MAF1: variants seen among roughly 807,000 people sequenced by gnomAD.
MAF1 encodes MAF1 negative regulator of RNA polymerase III.
MAF1 carries 7 observed loss-of-function variants against 31.9 expected under a neutral mutation model. The observed-to-expected ratio is 0.22, with a 90% CI of 0.12 to 0.41. The LOEUF (loss-of-function observed/expected upper bound fraction) is 0.41, where lower values mean the gene tolerates loss of function less well. Among genes scored for constraint, MAF1 ranks in the 10% least tolerant of loss-of-function variants. MAF1 has a pLI of 1.00. For synonymous variants in MAF1, 157 were observed against 120.0 expected (o/e 1.31, Z -2.02); for missense variants, 221 against 323.1 (o/e 0.68, Z 2.42).
Position 144,106,919 on chromosome 8 carries a change from C to G in MAF1, c.705C>G (p.Ser235Arg), listed in dbSNP as rs755776322. Residue 235 changes from serine (S) to arginine (R), a missense_variant, in exon 7 of 8, where the codon AGC (serine) becomes AGG (arginine). Ser to Arg is a moderately radical substitution (Grantham distance 110, BLOSUM62 -1). Coordinates refer to ENST00000322428, the MANE Select transcript of MAF1 (RefSeq NM_032272.5). ...AGGAGGTGGAGGAAGAAAGCAGAAG[C>G]GGGGGCAGTGGGGCCGAGGAGACCA... Reference protein sequence around the residue: ...GEEEVEEESRSGGSGAEETST... With the variant: ...GEEEVEEESRRGGSGAEETST... The G allele has an allele frequency of 4.6e-6, 7 of 1,522,714 alleles. No individual in the cohort carries two copies. Among genetic ancestry groups the G allele is most frequent in the Non-Finnish European group, 6.2e-6 (7 of 1,138,118 alleles). 94.3% of individuals were successfully genotyped at this position (1,522,714 alleles called of 1,614,324 possible).
Position 144,107,435 on chromosome 8 carries a change from C to G in MAF1, c.*326C>G. On this transcript the variant is annotated 3_prime_UTR_variant, in exon 8 of 8. Transcript: ENST00000322428. ...TTTGTATTTCTACTGGGCCTGCACA[C>G]TCCAGCCCAAAGGGTCTGTGGCCGG... 1 of 582,668 alleles carries G rather than the reference C, an allele frequency of 1.7e-6. No individual in the cohort carries two copies. Among genetic ancestry groups the G allele is most frequent in the Non-Finnish European group, 3.1e-6 (1 of 326,302 alleles). The allele number at this position is 582,668 out of a possible 1,614,324, so 36.1% of individuals were successfully genotyped here.
rs536267537 is a variant in MAF1 at position 144,107,362 on chromosome 8, G to A, written c.*253G>A. On this transcript the variant is annotated 3_prime_UTR_variant, in exon 8 of 8. Transcript: ENST00000322428. ...GCCTGGTGGGAGGAGCGACTGCCCT[G>A]CCCAAATGAACTGCCACAGCAGGGA... 1.8e-5 allele frequency: 11 copies of A among 602,390 alleles called. No individual in the cohort carries two copies. The Middle Eastern group carries it at 8.5e-4, about 46-fold the overall frequency. The allele number at this position is 602,390 out of a possible 1,614,324, so 37.3% of individuals were successfully genotyped here. A position where few individuals can be genotyped will look rare whatever the true frequency, so the allele number is the denominator to read the frequency against.
chr8:144,105,511 C>G, intron 1 of MAF1, 129 bp from the exon 2 acceptor site: 1 of 615,724 alleles, frequency 1.6e-6, no homozygotes, highest in South Asian at 1.9e-5. Flanking sequence ...AGGGGAGCTC[C>G]TGATGTGCAG....
rs368525413 is a variant in MAF1, at chr8:144,105,717, A to G, written c.34A>G (p.Ile12Val). The G allele has an allele frequency of 1.2e-6, 2 of 1,613,412 alleles. No individual in the cohort carries two copies. Among genetic ancestry groups the G allele is most frequent in the Non-Finnish European group, 1.7e-6 (2 of 1,180,018 alleles). ...ATTGGAGAACTCGAGCTTTGAAGCCATCAACTCACAGCTGACTGTGGAGAC... is the reference window on the plus strand; with the variant it reads ...ATTGGAGAACTCGAGCTTTGAAGCCGTCAACTCACAGCTGACTGTGGAGAC... ...KLLENSSFEA[I>V]NSQLTVETGD... Residue 12 changes from isoleucine to valine, a missense_variant, in exon 2 of 8, where the codon ATC becomes GTC. By Grantham distance (29) the Ile-to-Val change is conservative (BLOSUM62 3). This residue lies in a region of MAF1 where 146 missense variants were observed against 263.1 expected (regional missense o/e 0.56). Transcript: ENST00000322428.
chr8:144,106,808 G>C, intron 6 of MAF1, 27 bp from the exon 7 acceptor site: 6 of 1,538,570 alleles, frequency 3.9e-6, no homozygotes, highest in Non-Finnish European at 4.4e-6. Flanking sequence ...TAGGGGTCCT[G>C]AAACTGGTTT....
intron 1 of MAF1, 151 bp downstream of exon 1, chr8:144,105,009 T>C (rs1224696582): frequency 6.6e-6 from 1 of 152,218 alleles, no homozygotes; most frequent in Non-Finnish European, 1.5e-5. Context: ...GCCTGGTGAC[T>C]GCAGCGCCCC....
intron 7 of MAF1, 27 bp from the exon 8 acceptor site, chr8:144,107,061 G>A: frequency 1.9e-6 from 3 of 1,572,746 alleles, no homozygotes; most frequent in Non-Finnish European, 2.6e-6. Flanking sequence ...GCTCCTGAAG[G>A]CCCACTGTGT....
In MAF1 at chr8:144,107,224, T is replaced by A. The variant is rs527694821; in HGVS notation, c.*115T>A. 11 of 1,343,096 alleles carry A rather than the reference T, an allele frequency of 8.2e-6. No homozygotes were observed. The highest frequency in any genetic ancestry group is 1.3e-5 in the South Asian group (1 of 79,752). The allele number at this position is 1,343,096 out of a possible 1,614,324, so 83.2% of individuals were successfully genotyped here. On this transcript the variant is annotated 3_prime_UTR_variant, in exon 8 of 8. Transcript: ENST00000322428. ...TGGCCAGACCCTGGCGCTGCCACAGTCCTGGCACTGCCCAAGGCCATACCT... is the reference window on the plus strand; with the variant it reads ...TGGCCAGACCCTGGCGCTGCCACAGACCTGGCACTGCCCAAGGCCATACCT...
rs1836408553 is a variant in MAF1 at position 144,106,095 on chromosome 8, G to A, written c.232G>A (p.Gly78Ser). ...SPSRLSKSQG[G>S]EEEGPLSDKC... ...GTGCAGACTCAGCAAAAGCCAAGGC[G>A]GTGAGGAGGAGGGCCCCCTCAGTGA... is the stretch of plus-strand genomic sequence containing the variant. The change falls in exon 4 of 8, where the codon GGT becomes AGT. Residue 78 changes from glycine (G) to serine (S), a missense_variant. Physicochemically the swap from Gly to Ser is moderately conservative, Grantham distance 56. Around this residue, in one of 2 missense-constraint regions of MAF1, gnomAD observed 146 missense variants for 263.1 expected, o/e 0.56. Coordinates refer to ENST00000322428, the MANE Select transcript of MAF1 (RefSeq NM_032272.5). 1 of 1,613,528 alleles carries A rather than the reference G, an allele frequency of 6.2e-7. No homozygotes were observed.
chr8:144,104,714 G>A lies in MAF1; in HGVS notation c.-189G>A, dbSNP rs1206081123. 6.6e-6 allele frequency: 1 copy of A among 152,114 alleles called. No individual in the cohort carries two copies. The highest frequency in any genetic ancestry group is 1.5e-5 in the Non-Finnish European group (1 of 68,000). The allele number at this position is 152,114 out of a possible 1,614,324, so 9.4% of individuals were successfully genotyped here. On this transcript the variant is annotated 5_prime_UTR_variant, in exon 1 of 8. Transcript: ENST00000322428. ...TCTTCCCCCGGATACAGTGCGGCCC[G>A]AGCGGAGGCCGCGGCGCCGCCCTCC...
Position 144,106,323 on chromosome 8 carries a change from C to T in MAF1, c.379-20C>T. 2 of 1,613,022 alleles carry T rather than the reference C, an allele frequency of 1.2e-6. No homozygotes were observed. The highest frequency in any genetic ancestry group is 1.7e-6 in the Non-Finnish European group (2 of 1,179,344). ...TGGGTAGCCCTGGGCTCCTGTCACCCTGACTGTGACCTGCCCTAGGTGGTG... is the reference window on the plus strand; with the variant it reads ...TGGGTAGCCCTGGGCTCCTGTCACCTTGACTGTGACCTGCCCTAGGTGGTG... On this transcript the variant is annotated intron_variant, in intron 4 of 7. Coordinates refer to ENST00000322428, the MANE Select transcript of MAF1 (RefSeq NM_032272.5).
At position 144,107,241 on chromosome 8, in the gene MAF1, G is replaced by A. The variant is rs77842182; in HGVS notation, c.*132G>A. On this transcript the variant is annotated 3_prime_UTR_variant, in exon 8 of 8. Transcript: ENST00000322428. ...TGCCACAGTCCTGGCACTGCCCAAG[G>A]CCATACCTGCCTAGCCCTTTGGCTC... The A allele has an allele frequency of 4.9e-4, 563 of 1,157,678 alleles. 9 individuals carry two copies. In the East Asian group the frequency reaches 0.013, roughly 28 times the overall value. 71.7% of individuals were successfully genotyped at this position (1,157,678 alleles called of 1,614,324 possible).
At chr8:144,105,163 C>G (rs557108256) in intron 1 of MAF1, 64 of 155,564 alleles carry the variant, frequency 4.1e-4, no homozygotes, top group African/African-American at 1.3e-3. Context: ...ACCGCAGGGC[C>G]CGGAGTCCCA....
rs767842852 is a variant in MAF1, at chr8:144,106,652, T to G, written c.598T>G (p.Phe200Val). 6.2e-7 allele frequency: 1 copy of G among 1,613,514 alleles called. No homozygotes were observed. The highest frequency in any genetic ancestry group is 1.1e-5 in the South Asian group (1 of 91,076). ...FYNKRLKRIVFFSCRSISGST... is the reference protein window; with the variant it reads ...FYNKRLKRIVVFSCRSISGST... ...CAACAAGCGGCTCAAGCGAATCGTC[T>G]TCTTTAGCTGCCGTTCCATCAGGTG... The change falls in exon 6 of 8, where the codon TTC becomes GTC. Residue 200 changes from phenylalanine (F) to valine (V), a missense_variant. Coordinates refer to ENST00000322428, the MANE Select transcript of MAF1 (RefSeq NM_032272.5).
At chr8:144,105,268 A>C in intron 1 of MAF1, 1 of 190,746 alleles carries the variant, frequency 5.2e-6, no homozygotes, top group Non-Finnish European at 1.1e-5. Context: ...CCCGTTGCGG[A>C]CTCAAGAGTT....
chr8:144,107,319 C>T lies in MAF1; in HGVS notation c.*210C>T, dbSNP rs571208432. ...AGACTCCTGCTGCCCATGCTGTGGCCGGACTTGTCAGCAGGGGGCCTGGTG... is the reference window on the plus strand; with the variant it reads ...AGACTCCTGCTGCCCATGCTGTGGCTGGACTTGTCAGCAGGGGGCCTGGTG... On this transcript the variant is annotated 3_prime_UTR_variant, in exon 8 of 8. Transcript: ENST00000322428. 1.7e-5 allele frequency: 11 copies of T among 655,910 alleles called. No individual in the cohort carries two copies. The highest frequency in any genetic ancestry group is 3.7e-5 in the South Asian group (2 of 53,346). 40.6% of individuals were successfully genotyped at this position (655,910 alleles called of 1,614,324 possible). A position where few individuals can be genotyped will look rare whatever the true frequency, so the allele number is the denominator to read the frequency against.
chr8:144,107,207 C>G lies in MAF1; in HGVS notation c.*98C>G. 1 of 1,457,610 alleles carries G rather than the reference C, an allele frequency of 6.9e-7. No homozygotes were observed. Among genetic ancestry groups the G allele is most frequent in the Non-Finnish European group, 9.4e-7 (1 of 1,063,040 alleles). 90.3% of individuals were successfully genotyped at this position (1,457,610 alleles called of 1,614,324 possible). On this transcript the variant is annotated 3_prime_UTR_variant, in exon 8 of 8. Coordinates refer to ENST00000322428, the MANE Select transcript of MAF1 (RefSeq NM_032272.5). ...GGGGCCTCCCCAGCTGCTGGCCAGA[C>G]CCTGGCGCTGCCACAGTCCTGGCAC...
At position 144,106,176 on chromosome 8, in the gene MAF1, A is replaced by G. The variant is rs573875084; in HGVS notation, c.313A>G (p.Arg105Gly). The G allele has an allele frequency of 8.7e-6, 14 of 1,613,812 alleles. No individual in the cohort carries two copies. The South Asian group carries it at 1.3e-4, about 15-fold the overall frequency. ...YLIATLNESF[R>G]PDYDFSTARS... is the part of the protein sequence containing the mutation. ...GATTGCCACGCTCAATGAGTCCTTCAGGCCTGACTATGACTTCAGCACAGC... is the reference window on the plus strand; with the variant it reads ...GATTGCCACGCTCAATGAGTCCTTCGGGCCTGACTATGACTTCAGCACAGC... Residue 105 changes from arginine to glycine, a missense_variant, in exon 4 of 8, where the codon AGG becomes GGG. Around this residue, in one of 2 missense-constraint regions of MAF1, gnomAD observed 146 missense variants for 263.1 expected, o/e 0.56. Transcript: ENST00000322428.
rs1208008412 is a variant in MAF1, at chr8:144,106,927, G to T, written c.713G>T (p.Ser238Ile). ...EVEEESRSGG[S>I]GAEETSTMEE... ...GAGGAAGAAAGCAGAAGCGGGGGCA[G>T]TGGGGCCGAGGAGACCAGCACCATG... Residue 238 changes from serine to isoleucine, a missense_variant, in exon 7 of 8, where the codon AGT (serine) becomes ATT (isoleucine). This residue lies in a region of MAF1 where 75 missense variants were observed against 60.1 expected (regional missense o/e 1.25). Coordinates refer to ENST00000322428, the MANE Select transcript of MAF1 (RefSeq NM_032272.5). The T allele has an allele frequency of 6.6e-7, 1 of 1,515,050 alleles. No individual in the cohort carries two copies. Among genetic ancestry groups the T allele is most frequent in the South Asian group, 1.3e-5 (1 of 75,590 alleles). The allele number at this position is 1,515,050 out of a possible 1,614,324, so 93.9% of individuals were successfully genotyped here.
Sources: allele counts gnomAD v4.1 joint callset, GRCh38; gene constraint gnomAD v4.1.1; regional missense constraint gnomAD v4.1.1; transcripts MANE v1.5; gene names NCBI Gene and HGNC (gene_info 2026-07-23, HGNC 2026-07-21).